CENPW: variants seen among roughly 807,000 people sequenced by gnomAD.
CENPW encodes cancer-up-regulated gene 2 protein.
CENPW carries 3 observed loss-of-function variants against 11.1 expected under a neutral mutation model. The ratio of observed to expected loss-of-function variants is 0.27; its 90% CI spans 0.12 to 0.70. The LOEUF is 0.70. Ranked by LOEUF, CENPW falls within the 30% of genes least tolerant of loss-of-function variation. The pLI, the probability that CENPW is intolerant of heterozygous loss-of-function variation, is 0.77. For missense variants in CENPW, 100 were observed against 105.6 expected, an observed-to-expected ratio of 0.95 and a Z score of 0.23; for synonymous variants, 38 against 42.0, an observed-to-expected ratio of 0.91 and a Z score of 0.37.
chr6:126,386,235 G>C, the CENPW span, among the ~76,000 whole-genome samples: 9 of 151,966 alleles, frequency 5.9e-5, no homozygotes, highest in African/African-American at 2.2e-4. Flanking sequence ...AGGAAACAAA[G>C]GCTACTTTCT....
the CENPW span, among the ~76,000 whole-genome samples, chr6:126,444,320 T>A: frequency 6.6e-6 from 1 of 151,098 alleles, no homozygotes; most frequent in African/African-American, 2.4e-5. Flanking sequence ...CTACTACATA[T>A]GTGTTTGATT....
the CENPW span, among the ~76,000 whole-genome samples, chr6:126,435,366 T>A: frequency 6.6e-6 from 1 of 151,898 alleles, no homozygotes. Context: ...ACATTTATGG[T>A]GATATTATGC....
the CENPW span, among the ~76,000 whole-genome samples, chr6:126,357,795 G>T: frequency 6.6e-6 from 1 of 152,050 alleles, no homozygotes; most frequent in Non-Finnish European, 1.5e-5. Context: ...TTTTAGTAGA[G>T]ACGGGGTTTC....
chr6:126,352,516 C>T (rs1350804365), downstream of CENPW, among the ~76,000 whole-genome samples: 1 of 152,088 alleles, frequency 6.6e-6, no homozygotes, highest in East Asian at 1.9e-4. Context: ...GAGATATTAT[C>T]ATCTCTAATC....
At chr6:126,340,588 T>A (rs1780284257) in intron 1 of CENPW, 189 bp downstream of exon 1, 1 of 768,232 alleles carries the variant, frequency 1.3e-6, no homozygotes, top group Non-Finnish European at 2.1e-6. Context: ...GGCGCTCAGT[T>A]GTACCGGGCC....
chr6:126,346,796 T>C (rs1175935391), intron 2 of CENPW, among the ~76,000 whole-genome samples: 1 of 152,144 alleles, frequency 6.6e-6, no homozygotes, highest in Admixed American at 6.6e-5. Flanking sequence ...CATGGAGGGA[T>C]TACAATGTGA....
At chr6:126,346,171 G>A in intron 1 of CENPW, 34 bp from the exon 2 acceptor site, 2 of 1,277,900 alleles carry the variant, frequency 1.6e-6, no homozygotes, top group Non-Finnish European at 2.2e-6. Context: ...CAGTATTTGA[G>A]CTTAAAAATC....
chr6:126,376,130 C>T, the CENPW span, among the ~76,000 whole-genome samples: 1 of 152,108 alleles, frequency 6.6e-6, no homozygotes, highest in Non-Finnish European at 1.5e-5. Flanking sequence ...TCATTCACCT[C>T]AGCATCAAGC....
chr6:126,412,880 G>T, the CENPW span, among the ~76,000 whole-genome samples: 1 of 151,972 alleles, frequency 6.6e-6, no homozygotes, highest in African/African-American at 2.4e-5. Flanking sequence ...TATTGTATTT[G>T]TTAACACAGA....
chr6:126,401,562 C>G, the CENPW span, among the ~76,000 whole-genome samples: 1 of 151,878 alleles, frequency 6.6e-6, no homozygotes, highest in East Asian at 1.9e-4. Flanking sequence ...CCCACAGGAG[C>G]AGAGGAATTT....
At chr6:126,471,873 A>T in the CENPW span, among the ~76,000 whole-genome samples, 1 of 152,194 alleles carries the variant, frequency 6.6e-6, no homozygotes, top group Non-Finnish European at 1.5e-5. Context: ...CAAGTTGAGC[A>T]ATGTTTTTAT....
At chr6:126,373,205 C>A in the CENPW span, among the ~76,000 whole-genome samples, 1 of 152,070 alleles carries the variant, frequency 6.6e-6, no homozygotes, top group Admixed American at 6.5e-5. Context: ...AGATGAAACT[C>A]TAAAGTATTT....
the CENPW span, among the ~76,000 whole-genome samples, chr6:126,403,992 G>C: frequency 1.3e-5 from 2 of 151,996 alleles, no homozygotes; most frequent in Non-Finnish European, 2.9e-5. Flanking sequence ...CTCATTTACA[G>C]TTCCAAAAAT....
At chr6:126,368,035 T>G in the CENPW span, among the ~76,000 whole-genome samples, 12 of 152,194 alleles carry the variant, frequency 7.9e-5, no homozygotes, top group African/African-American at 2.9e-4. Flanking sequence ...AATGGGGAAG[T>G]GGGTGATTTA....
intron 1 of CENPW, among the ~76,000 whole-genome samples, chr6:126,342,975 T>C (rs1225655141): frequency 6.6e-6 from 1 of 152,174 alleles, no homozygotes; most frequent in Non-Finnish European, 1.5e-5. Context: ...CCAGGGATGG[T>C]ACTAGGGAGA....
chr6:126,351,917 ATAAC>A (rs1325026925), downstream of CENPW, among the ~76,000 whole-genome samples: 4 of 152,122 alleles, frequency 2.6e-5, no homozygotes, highest in East Asian at 3.9e-4. Context: ...GGTAAGTTTA[ATAAC>A]AGTATACTCC....
chr6:126,401,331 G>GT, the CENPW span, among the ~76,000 whole-genome samples: 1 of 152,058 alleles, frequency 6.6e-6, no homozygotes, highest in South Asian at 2.1e-4. Context: ...TTTTTCCTTT[G>GT]TACTTGGGCT....
At chr6:126,401,968 C>T in the CENPW span, among the ~76,000 whole-genome samples, 2 of 151,946 alleles carry the variant, frequency 1.3e-5, no homozygotes, top group African/African-American at 2.4e-5. Context: ...CCATGTTAAC[C>T]CTCAGTAAGC....
Position 126,348,649 on chromosome 6 carries a change from A to G in CENPW, c.*157A>G. The G allele has an allele frequency of 1.9e-6, 1 of 536,028 alleles. No homozygotes were observed. Among genetic ancestry groups the G allele is most frequent in the Non-Finnish European group, 3.3e-6 (1 of 300,036 alleles). The allele number at this position is 536,028 out of a possible 1,614,324, so 33.2% of individuals were successfully genotyped here. Reference sequence around the variant, plus strand: ...TTTTTTTCTGGCATGAAATATCTCAAGTAAATGCATAGGACTATTTAACCC... The same window carrying G: ...TTTTTTTCTGGCATGAAATATCTCAGGTAAATGCATAGGACTATTTAACCC... On this transcript the variant is annotated 3_prime_UTR_variant, in exon 3 of 3. Transcript: ENST00000368328.
Sources: allele counts gnomAD v4.1 joint callset (sites outside exome capture counted in the v4.1 genomes callset), GRCh38; gene constraint gnomAD v4.1.1; transcripts MANE v1.5; gene names NCBI Gene and HGNC (gene_info 2026-07-23, HGNC 2026-07-21).